Variants in RAB25 observed in about 807,000 individuals in gnomAD.
RAB25 encodes ras-related protein Rab-25.
Under a neutral mutation model 25.2 loss-of-function variants are expected in RAB25, and 23 were observed. The ratio of observed to expected loss-of-function variants is 0.91; its 90% CI spans 0.66 to 1.29. RAB25 has a LOEUF of 1.29. Ranked by LOEUF, RAB25 falls within the 50% of genes most tolerant of loss-of-function variation. The pLI is 0.00. For synonymous variants in RAB25, 102 were observed against 111.5 expected, an observed-to-expected ratio of 0.91 and a Z score of 0.54; for missense variants, 244 against 277.3, an observed-to-expected ratio of 0.88 and a Z score of 0.85.
rs956793477 is a variant in RAB25 at position 156,070,306 on chromosome 1, G to C, written c.*19G>C. On this transcript the variant is annotated 3_prime_UTR_variant, in exon 5 of 5. Coordinates refer to ENST00000361084, the MANE Select transcript of RAB25 (RefSeq NM_020387.4). ...CCTCTGACCTTGGCCAGCACCACCT[G>C]CCCCCACTGGCTTTTTGGTGCCCCT... The C allele has an allele frequency of 3.1e-6, 5 of 1,609,426 alleles. No homozygotes were observed. The African/African-American group carries it at 6.7e-5, about 22-fold the overall frequency.
intron 3 of RAB25, among the ~76,000 whole-genome samples, chr1:156,068,746 T>G (rs943849884): frequency 1.4e-5 from 2 of 146,854 alleles, no homozygotes; most frequent in African/African-American, 5.1e-5. Context: ...TAGAGTGCAG[T>G]GGTGCGATCT....
At chr1:156,065,481 C>G (rs1647716157) in intron 1 of RAB25, among the ~76,000 whole-genome samples, 1 of 152,194 alleles carries the variant, frequency 6.6e-6, no homozygotes, top group African/African-American at 2.4e-5. Context: ...CACTTGTCCT[C>G]CCAGCTCATA....
rs1422327948 is a variant in RAB25, at chr1:156,061,339, C to G, written c.-62C>G. The G allele has an allele frequency of 2.6e-6, 4 of 1,528,086 alleles. No individual in the cohort carries two copies. Among genetic ancestry groups the G allele is most frequent in the Non-Finnish European group, 3.6e-6 (4 of 1,102,312 alleles). The allele number at this position is 1,528,086 out of a possible 1,614,324, so 94.7% of individuals were successfully genotyped here. A position where few individuals can be genotyped will look rare whatever the true frequency, so the allele number is the denominator to read the frequency against. On this transcript the variant is annotated 5_prime_UTR_variant, in exon 1 of 5. Coordinates refer to ENST00000361084, the MANE Select transcript of RAB25 (RefSeq NM_020387.4). ...AGAGCTGAGGGTTGAGGGCATTGAG[C>G]CAACACACAGATTTGTCGCCTCTGT...
Position 156,070,330 on chromosome 1 carries a change from C to T in RAB25, c.*43C>T. 6.2e-7 allele frequency: 1 copy of T among 1,600,522 alleles called. No individual in the cohort carries two copies. On this transcript the variant is annotated 3_prime_UTR_variant, in exon 5 of 5. Coordinates refer to ENST00000361084, the MANE Select transcript of RAB25 (RefSeq NM_020387.4). ...TGCCCCCACTGGCTTTTTGGTGCCC[C>T]TTGTCCCCACTTCAGCCCCAGGACC...
chr1:156,061,215 C>T lies in RAB25; in HGVS notation c.-186C>T. ...GCACCCCCACCTGCCAGAGCTGATC[C>T]TCCCTAGGCCCTGCCTAACCTTGAG... On this transcript the variant is annotated 5_prime_UTR_variant, in exon 1 of 5. Transcript: ENST00000361084. 1 of 605,748 alleles carries T rather than the reference C, an allele frequency of 1.7e-6. No homozygotes were observed. The highest frequency in any genetic ancestry group is 3.0e-6 in the Non-Finnish European group (1 of 336,828). The allele number at this position is 605,748 out of a possible 1,614,324, so 37.5% of individuals were successfully genotyped here.
Position 156,069,744 on chromosome 1 carries a change from C to T in RAB25, c.507C>T (p.Val169=). The change falls in exon 4 of 5, where the codon GTC becomes GTT. Residue 169 remains valine, a synonymous_variant. Coordinates refer to ENST00000361084, the MANE Select transcript of RAB25 (RefSeq NM_020387.4). ...STNVELAFET[V]LKEIFAKVSK... is the part of the protein sequence containing the mutation. ...ATGTTGAGCTAGCCTTTGAGACTGT[C>T]CTGAAAGGTTAGAGCCTACCTTTAT... is the stretch of plus-strand genomic sequence containing the variant. 6.2e-7 allele frequency: 1 copy of T among 1,610,306 alleles called. No homozygotes were observed. The highest frequency in any genetic ancestry group is 1.1e-5 in the South Asian group (1 of 90,992).
At chr1:156,064,411 T>A (rs560754056) in intron 1 of RAB25, among the ~76,000 whole-genome samples, 1 of 150,212 alleles carries the variant, frequency 6.7e-6, no homozygotes, top group East Asian at 2.0e-4. Context: ...TGGCTAATTT[T>A]TTTTTCTTTT....
At chr1:156,069,886 C>A (rs1183420745) in intron 4 of RAB25, 135 bp downstream of exon 4, 6 of 893,838 alleles carry the variant, frequency 6.7e-6, no homozygotes, top group Non-Finnish European at 9.1e-6. Context: ...CACTGCCTGT[C>A]CCCCTCAGTC....
rs2102770363 is a variant in RAB25, at chr1:156,066,118, C to T, written c.239+12C>T. On this transcript the variant is annotated intron_variant, in intron 2 of 4. Transcript: ENST00000361084. ...GCCATCACCTCGGCGTGAGCCCGGG[C>T]CTGGGGGGCTGCTGGGTGGTGGGAG... is the stretch of plus-strand genomic sequence containing the variant. The T allele has an allele frequency of 6.5e-7, 1 of 1,538,170 alleles. No homozygotes were observed. The highest frequency in any genetic ancestry group is 8.8e-7 in the Non-Finnish European group (1 of 1,134,150).
intron 3 of RAB25, among the ~76,000 whole-genome samples, chr1:156,068,889 G>A (rs1215501580): frequency 1.3e-5 from 2 of 150,582 alleles, no homozygotes; most frequent in Non-Finnish European, 3.0e-5. Context: ...GGGTTTCATC[G>A]TGTTGACCAG....
At chr1:156,065,475 T>G (rs974790420) in intron 1 of RAB25, among the ~76,000 whole-genome samples, 1 of 152,150 alleles carries the variant, frequency 6.6e-6, no homozygotes, top group African/African-American at 2.4e-5. Context: ...ACCTCCCACT[T>G]GTCCTCCCAG....
intron 1 of RAB25, among the ~76,000 whole-genome samples, chr1:156,061,693 C>T (rs1281782741): frequency 6.6e-6 from 1 of 152,190 alleles, no homozygotes; most frequent in African/African-American, 2.4e-5. Flanking sequence ...CTGAGTTAGG[C>T]TCCTCTGCCC....
Position 156,070,186 on chromosome 1 carries a change from A to G in RAB25, c.541A>G (p.Arg181Gly). Residue 181 changes from arginine (R) to glycine (G), a missense_variant, in exon 5 of 5, where the codon AGA becomes GGA. Transcript: ENST00000361084. ...AATCTTTGCGAAGGTGTCCAAGCAG[A>G]GACAGAACAGCATCCGGACCAATGC... The part of the protein sequence containing the change: ...KEIFAKVSKQ[R>G]QNSIRTNAIT... 1 of 1,613,980 alleles carries G rather than the reference A, an allele frequency of 6.2e-7. No homozygotes were observed. The highest frequency in any genetic ancestry group is 1.7e-5 in the Admixed American group (1 of 60,024).
At chr1:156,070,089 T>C in intron 4 of RAB25, 71 bp from the exon 5 acceptor site, 1 of 1,610,158 alleles carries the variant, frequency 6.2e-7, no homozygotes, top group Non-Finnish European at 8.5e-7. Context: ...GCAGTATGTA[T>C]GGGGGGGTTG....
intron 1 of RAB25, among the ~76,000 whole-genome samples, chr1:156,065,464 A>G (rs994006194): frequency 3.9e-5 from 6 of 151,918 alleles, no homozygotes; most frequent in African/African-American, 1.2e-4. Context: ...ACACACACCA[A>G]ACCTCCCACT....
chr1:156,070,179 C>G lies in RAB25; in HGVS notation c.534C>G (p.Ser178=). The change falls in exon 5 of 5, where the codon TCC becomes TCG. Residue 178 remains serine (S), a synonymous_variant. Coordinates refer to ENST00000361084, the MANE Select transcript of RAB25 (RefSeq NM_020387.4). ...TCCCAGAAATCTTTGCGAAGGTGTCCAAGCAGAGACAGAACAGCATCCGGA... is the reference window on the plus strand; with the variant it reads ...TCCCAGAAATCTTTGCGAAGGTGTCGAAGCAGAGACAGAACAGCATCCGGA... The part of the protein sequence containing the change: ...TVLKEIFAKV[S]KQRQNSIRTN... 1 of 1,614,026 alleles carries G rather than the reference C, an allele frequency of 6.2e-7. No individual in the cohort carries two copies. Among genetic ancestry groups the G allele is most frequent in the Non-Finnish European group, 8.5e-7 (1 of 1,179,990 alleles).
In RAB25 at chr1:156,065,836, G is replaced by T. The variant is rs531323451; in HGVS notation, c.44-75G>T. On this transcript the variant is annotated intron_variant, in intron 1 of 4. Coordinates refer to ENST00000361084, the MANE Select transcript of RAB25 (RefSeq NM_020387.4). ...TGAGCTCAGTTCCCTTTTTCTGCTG[G>T]GCAGACCCTCCAAGCTCAGGTGGGG... 22 of 1,228,244 alleles carry T rather than the reference G, an allele frequency of 1.8e-5. 1 individual carries two copies. The Admixed American group carries it at 3.2e-4, about 18-fold the overall frequency. 76.1% of individuals were successfully genotyped at this position (1,228,244 alleles called of 1,614,324 possible). A position where few individuals can be genotyped will look rare whatever the true frequency, so the allele number is the denominator to read the frequency against.
intron 1 of RAB25, among the ~76,000 whole-genome samples, chr1:156,063,427 A>G (rs1647650095): frequency 6.6e-6 from 1 of 152,200 alleles, no homozygotes; most frequent in Admixed American, 6.5e-5. Context: ...CTGGTATTAC[A>G]GGCGTGAGCC....
chr1:156,065,835 G>A, intron 1 of RAB25, 76 bp from the exon 2 acceptor site: 1 of 1,226,634 alleles, frequency 8.2e-7, no homozygotes, highest in Non-Finnish European at 1.1e-6. Flanking sequence ...TTTTTCTGCT[G>A]GGCAGACCCT....
Sources: gnomAD v4.1 joint callset for allele counts (sites outside exome capture counted in the v4.1 genomes callset) on GRCh38, gnomAD v4.1.1 for gene constraint, MANE v1.5 for transcripts, NCBI Gene and HGNC (gene_info 2026-07-23, HGNC 2026-07-21) for gene names.